The following TACC2 variants were observed in gnomAD, a reference collection of about 807,000 sequenced individuals.
TACC2 encodes transforming acidic coiled-coil containing protein 2.
A neutral mutation model predicts 227.3 loss-of-function variants in TACC2; 137 were observed. The observed-to-expected ratio is 0.60, with a 90% CI of 0.52 to 0.69. The LOEUF is 0.69. TACC2 is among the 30% of genes least tolerant of loss of function. The pLI is 0.00. For missense variants in TACC2, 3,470 were observed against 3,694.4 expected, an observed-to-expected ratio of 0.94 and a Z score of 1.57; for synonymous variants, 1,523 against 1,487.5, an observed-to-expected ratio of 1.02 and a Z score of -0.55.
chr10:122,002,636 A>C (rs1010920573), intron 1 of TACC2, among the ~76,000 whole-genome samples: 5 of 152,132 alleles, frequency 3.3e-5, no homozygotes, highest in Admixed American at 2.6e-4. Context: ...ATGGTTCCTT[A>C]GTAAATTTCT....
chr10:122,076,399 C>T (rs112542834), intron 3 of TACC2, among the ~76,000 whole-genome samples: 9 of 152,122 alleles, frequency 5.9e-5, no homozygotes, highest in African/African-American at 1.4e-4. Flanking sequence ...TAAGTTTCAG[C>T]GGGAGTTTGA....
intron 3 of TACC2, among the ~76,000 whole-genome samples, chr10:122,074,653 A>G (rs1004271407): frequency 6.6e-6 from 1 of 152,096 alleles, no homozygotes; most frequent in African/African-American, 2.4e-5. Flanking sequence ...AGAGTGCTGG[A>G]GAGAATTCTG....
chr10:122,115,487 A>G (rs996718396), intron 5 of TACC2, among the ~76,000 whole-genome samples: 3 of 152,164 alleles, frequency 2.0e-5, no homozygotes, highest in Non-Finnish European at 4.4e-5. Flanking sequence ...GGAGGATGCT[A>G]TTGGCGTCTA....
intron 7 of TACC2, among the ~76,000 whole-genome samples, chr10:122,175,456 C>T (rs1394002058): frequency 2.6e-5 from 4 of 152,190 alleles, no homozygotes; most frequent in African/African-American, 9.6e-5. Flanking sequence ...AGAAACAAAC[C>T]TGCCCAGACC....
chr10:121,997,944 A>C (rs1176097614), intron 1 of TACC2, among the ~76,000 whole-genome samples: 2 of 152,148 alleles, frequency 1.3e-5, no homozygotes, highest in African/African-American at 4.8e-5. Context: ...CCACCCCCAA[A>C]GGCAGGCACG....
intron 3 of TACC2, among the ~76,000 whole-genome samples, chr10:122,065,094 T>A (rs532511399): frequency 3.7e-4 from 56 of 152,282 alleles, no homozygotes; most frequent in East Asian, 1.2e-3. Flanking sequence ...TTTAAAAAAA[T>A]TTTTTTATTG....
At chr10:122,011,613 C>T (rs753919210) in intron 1 of TACC2, among the ~76,000 whole-genome samples, 1 of 152,186 alleles carries the variant, frequency 6.6e-6, no homozygotes, top group Admixed American at 6.5e-5. Context: ...CAGGTATGAG[C>T]GGCCGTGCCT....
intron 1 of TACC2, among the ~76,000 whole-genome samples, chr10:122,005,683 C>CTTTT (rs67744191): frequency 1.8e-5 from 2 of 108,390 alleles, no homozygotes; most frequent in Non-Finnish European, 3.7e-5. Flanking sequence ...CGTGCCTGGC[C>CTTTT]TTTTTTTTTT....
In TACC2 at chr10:122,089,557, T is replaced by C. The variant is rs1428103461; in HGVS notation, c.5573+966T>C. Among the ~76,000 whole-genome samples, 6 of 152,352 alleles carry C rather than the reference T, an allele frequency of 3.9e-5. No individual in the cohort carries two copies. In the East Asian group the frequency reaches 1.2e-3, roughly 29 times the overall value. On this transcript the variant is annotated intron_variant, in intron 5 of 22. Transcript: ENST00000369005. ...TCAAGGTTTCATCCTTTTGGGGAAA[T>C]GGTGATATTGTGCACGTACACAGAC... is the stretch of plus-strand genomic sequence containing the variant.
intron 2 of TACC2, among the ~76,000 whole-genome samples, chr10:122,038,999 G>A (rs951301609): frequency 1.6e-4 from 25 of 152,072 alleles, no homozygotes; most frequent in African/African-American, 5.1e-4. Context: ...GTTTTGAGAC[G>A]GAGTCTCACT....
chr10:122,129,470 T>A (rs1180153484), intron 5 of TACC2, among the ~76,000 whole-genome samples: 1 of 152,210 alleles, frequency 6.6e-6, no homozygotes, highest in Non-Finnish European at 1.5e-5. Flanking sequence ...TTTGCTATCG[T>A]GATTCCAGTT....
At chr10:122,226,281 C>A in intron 12 of TACC2, 85 bp from the exon 13 acceptor site, 1 of 871,104 alleles carries the variant, frequency 1.1e-6, no homozygotes, top group Non-Finnish European at 1.9e-6. Flanking sequence ...TATTTGTTCT[C>A]TGTTGAAGAG....
chr10:122,178,339 C>T (rs899587852), intron 7 of TACC2, among the ~76,000 whole-genome samples: 7 of 151,310 alleles, frequency 4.6e-5, no homozygotes, highest in South Asian at 2.1e-4. Context: ...CAGGTCCAAG[C>T]GATTCTCCTG....
intron 5 of TACC2, among the ~76,000 whole-genome samples, chr10:122,120,120 C>A (rs925577592): frequency 2.6e-5 from 4 of 152,028 alleles, no homozygotes; most frequent in Admixed American, 2.0e-4. Context: ...GAAGGTTCCC[C>A]CTCCGTCCTG....
At chr10:122,121,202 A>C (rs1026892455) in intron 5 of TACC2, among the ~76,000 whole-genome samples, 3 of 152,200 alleles carry the variant, frequency 2.0e-5, no homozygotes, top group African/African-American at 4.8e-5. Context: ...GAAACAGTAC[A>C]TTCTGTATTT....
chr10:122,011,583 C>A (rs1442819764), intron 1 of TACC2, among the ~76,000 whole-genome samples: 1 of 152,188 alleles, frequency 6.6e-6, no homozygotes, highest in African/African-American at 2.4e-5. Flanking sequence ...CCACCTCGGC[C>A]TCCCAAAGTG....
At chr10:122,220,515 C>T (rs373591196) in intron 11 of TACC2, among the ~76,000 whole-genome samples, 3 of 152,116 alleles carry the variant, frequency 2.0e-5, no homozygotes, top group Non-Finnish European at 2.9e-5. Context: ...AGCATCTGGA[C>T]GTGGAAATAC....
chr10:122,100,249 GC>G (rs1419915311), intron 5 of TACC2, among the ~76,000 whole-genome samples: 1 of 149,856 alleles, frequency 6.7e-6, no homozygotes, highest in Non-Finnish European at 1.5e-5. Context: ...GGGCAACAGA[GC>G]GAGACTCTGT....
intron 7 of TACC2, among the ~76,000 whole-genome samples, chr10:122,147,502 G>T (rs777896933): frequency 1.5e-4 from 23 of 152,138 alleles, no homozygotes; most frequent in Non-Finnish European, 2.9e-4. Flanking sequence ...GTCACTGTGT[G>T]CACATTTAAG....
Sources: gnomAD v4.1 joint callset for allele counts (sites outside exome capture counted in the v4.1 genomes callset) on GRCh38, gnomAD v4.1.1 for gene constraint, MANE v1.5 for transcripts, NCBI Gene and HGNC (gene_info 2026-07-23, HGNC 2026-07-21) for gene names.